Variants in LINGO2 observed in about 807,000 individuals in gnomAD.
The protein encoded by LINGO2 is leucine-rich repeat and immunoglobulin-like domain-containing nogo receptor-interacting protein 2.
LINGO2 carries 14 observed loss-of-function variants against 30.6 expected under a neutral mutation model. That is an observed-to-expected ratio of 0.46 (90% CI 0.30 to 0.72). LINGO2 has a LOEUF of 0.72. LINGO2 is among the 30% of genes least tolerant of loss of function. LINGO2 has a pLI of 0.07. For synonymous variants in LINGO2, 317 were observed against 288.5 expected (o/e 1.10, Z -1.00); for missense variants, 729 against 751.7 (o/e 0.97, Z 0.35).
chr9:28,408,134 C>G (rs183198922), intron 2 of LINGO2, among the ~76,000 whole-genome samples: 1 of 152,118 alleles, frequency 6.6e-6, no homozygotes, highest in Admixed American at 6.5e-5. Flanking sequence ...AAAACCAACA[C>G]TCGTCTAGGT....
At chr9:28,689,229 C>G in the LINGO2 span, among the ~76,000 whole-genome samples, 1 of 152,098 alleles carries the variant, frequency 6.6e-6, no homozygotes, top group Non-Finnish European at 1.5e-5. Flanking sequence ...GGAGAATCAA[C>G]AGAAACTTAT....
intron 4 of LINGO2, among the ~76,000 whole-genome samples, chr9:28,214,024 A>C (rs894712264): frequency 6.6e-6 from 1 of 151,634 alleles, no homozygotes; most frequent in Non-Finnish European, 1.5e-5. Flanking sequence ...ATATCTTAGA[A>C]GATATGAGGA....
the LINGO2 span, among the ~76,000 whole-genome samples, chr9:28,734,547 C>G: frequency 6.6e-6 from 1 of 152,136 alleles, no homozygotes; most frequent in African/African-American, 2.4e-5. Flanking sequence ...ACGTAAGTCA[C>G]TTTCCCAAGG....
intron 4 of LINGO2, among the ~76,000 whole-genome samples, chr9:28,192,378 T>A (rs1160334984): frequency 6.6e-6 from 1 of 152,152 alleles, no homozygotes; most frequent in East Asian, 1.9e-4. Context: ...ATTTAATTAA[T>A]TATTTAAGAA....
chr9:27,971,797 ATC>A (rs1462557489), intron 5 of LINGO2, among the ~76,000 whole-genome samples: 1 of 152,216 alleles, frequency 6.6e-6, no homozygotes, highest in South Asian at 2.1e-4. Flanking sequence ...TTTCAATGGC[ATC>A]TCTTAGAAAA....
rs570143006 is a variant in LINGO2, at chr9:28,603,641, T to C, written c.-365+66559A>G. Among the ~76,000 whole-genome samples the C allele has an allele frequency of 7.9e-5, 12 of 152,148 alleles. No individual in the cohort carries two copies. In the East Asian group the frequency reaches 1.5e-3, roughly 20 times the overall value. On this transcript the variant is annotated intron_variant, in intron 1 of 5. Transcript: ENST00000379992. Reference sequence around the variant, plus strand: ...GCATTCTCTTCCAGAGCTGTCTCCTTTGGGAAAAATGAAAGAGGAAATCAC... The same window carrying C: ...GCATTCTCTTCCAGAGCTGTCTCCTCTGGGAAAAATGAAAGAGGAAATCAC...
chr9:28,927,750 G>A, the LINGO2 span, among the ~76,000 whole-genome samples: 1 of 152,180 alleles, frequency 6.6e-6, no homozygotes, highest in Non-Finnish European at 1.5e-5. Context: ...AAAAACTGCT[G>A]TAGGCATTTA....
chr9:28,545,202 G>C lies in LINGO2; in HGVS notation c.-364-69177C>G, dbSNP rs755055295. On this transcript the variant is annotated intron_variant, in intron 1 of 5. Coordinates refer to ENST00000379992, the Ensembl canonical transcript of LINGO2. ...AAAGGGACCGATAAGGATTTTAACT[G>C]AACTGAGGGGAGGCAGACAAGGTAG... 3.9e-5 allele frequency among the ~76,000 whole-genome samples: 6 copies of C among 152,010 alleles called. No homozygotes were observed. In the East Asian group the frequency reaches 1.2e-3, roughly 29 times the overall value.
intron 4 of LINGO2, among the ~76,000 whole-genome samples, chr9:28,125,618 T>C (rs1175959517): frequency 6.6e-6 from 1 of 152,066 alleles, no homozygotes; most frequent in East Asian, 1.9e-4. Flanking sequence ...ATCCCTGGAA[T>C]AGGAGAGGTT....
intron 4 of LINGO2, among the ~76,000 whole-genome samples, chr9:28,041,282 G>A (rs1824186576): frequency 6.6e-6 from 1 of 152,176 alleles, no homozygotes; most frequent in East Asian, 1.9e-4. Context: ...CCAGGGTCCA[G>A]ATCAACGTAA....
At chr9:28,852,257 A>C in the LINGO2 span, among the ~76,000 whole-genome samples, 1 of 151,990 alleles carries the variant, frequency 6.6e-6, no homozygotes, top group African/African-American at 2.4e-5. Context: ...GTATAGATCT[A>C]GATATTATCT....
At chr9:29,125,440 T>C in the LINGO2 span, among the ~76,000 whole-genome samples, 1 of 151,802 alleles carries the variant, frequency 6.6e-6, no homozygotes, top group African/African-American at 2.4e-5. Flanking sequence ...AAAATATATA[T>C]ATATACATAG....
the LINGO2 span, among the ~76,000 whole-genome samples, chr9:29,006,694 G>A: frequency 6.6e-6 from 1 of 151,938 alleles, no homozygotes. Flanking sequence ...AGTAAACACG[G>A]GTTTCCTTAA....
the LINGO2 span, among the ~76,000 whole-genome samples, chr9:29,062,659 T>C: frequency 6.6e-6 from 1 of 152,014 alleles, no homozygotes; most frequent in Non-Finnish European, 1.5e-5. Flanking sequence ...AAAAGTAGAA[T>C]GGTAATTGCA....
the LINGO2 span, among the ~76,000 whole-genome samples, chr9:28,849,375 T>G: frequency 6.6e-6 from 1 of 152,006 alleles, no homozygotes; most frequent in Non-Finnish European, 1.5e-5. Context: ...AGACCCAGAA[T>G]AATATCATCT....
chr9:28,568,794 T>A (rs1823525346), intron 1 of LINGO2, among the ~76,000 whole-genome samples: 1 of 151,984 alleles, frequency 6.6e-6, no homozygotes. Context: ...CTAGATAAAC[T>A]AAATTTGAAC....
the LINGO2 span, among the ~76,000 whole-genome samples, chr9:28,787,954 C>G: frequency 6.6e-6 from 1 of 152,114 alleles, no homozygotes; most frequent in African/African-American, 2.4e-5. Context: ...ATGTTTTAAA[C>G]AATATCTAAA....
intron 4 of LINGO2, among the ~76,000 whole-genome samples, chr9:28,075,416 T>G (rs1825594596): frequency 6.6e-6 from 1 of 151,970 alleles, no homozygotes; most frequent in African/African-American, 2.4e-5. Flanking sequence ...GTACACTTAT[T>G]CTGTTGTATA....
At chr9:28,991,355 T>C in the LINGO2 span, among the ~76,000 whole-genome samples, 2 of 151,210 alleles carry the variant, frequency 1.3e-5, no homozygotes, top group Non-Finnish European at 3.0e-5. Context: ...CCAAGAAATA[T>C]GGGACTATGT....
Sources: gnomAD v4.1 joint callset for allele counts (sites outside exome capture counted in the v4.1 genomes callset) on GRCh38, gnomAD v4.1.1 for gene constraint, MANE v1.5 for transcripts, NCBI Gene and HGNC (gene_info 2026-07-23, HGNC 2026-07-21) for gene names.